The following SLC22A24 variants were observed in gnomAD, a reference collection of about 807,000 sequenced individuals.
SLC22A24 encodes solute carrier family 22 member 24, also known as steroid transmembrane transporter SLC22A24.
Under a neutral mutation model 49.8 loss-of-function variants are expected in SLC22A24, and 53 were observed. That is an observed-to-expected ratio of 1.06 (90% CI 0.85 to 1.34). The LOEUF (loss-of-function observed/expected upper bound fraction) is 1.34, where lower values mean the gene tolerates loss of function less well. Among genes scored for constraint, SLC22A24 ranks in the 40% most tolerant of loss-of-function variants. SLC22A24 has a pLI of 0.00. For missense variants in SLC22A24, 786 were observed against 675.9 expected (o/e 1.16, Z -1.81); for synonymous variants, 302 against 256.4 (o/e 1.18, Z -1.70).
chr11:63,115,659 G>C (rs562968794), intron 4 of SLC22A24, among the ~76,000 whole-genome samples: 3 of 152,198 alleles, frequency 2.0e-5, no homozygotes, highest in Non-Finnish European at 4.4e-5. Context: ...ATCACACTGG[G>C]ATCTGCAGAC....
chr11:63,106,070 A>T (rs1402719028), intron 4 of SLC22A24, among the ~76,000 whole-genome samples: 5 of 140,938 alleles, frequency 3.5e-5, no homozygotes, highest in Non-Finnish European at 7.7e-5. Flanking sequence ...TCCTAAAGCT[A>T]TCCCTCCCCC....
chr11:63,092,955 G>A (rs566796006), intron 6 of SLC22A24, among the ~76,000 whole-genome samples: 1 of 152,002 alleles, frequency 6.6e-6, no homozygotes, highest in African/African-American at 2.4e-5. Flanking sequence ...CTGACAAAAG[G>A]CTAATATCCA....
chr11:63,081,088 C>A lies in SLC22A24; in HGVS notation c.1430G>T (p.Arg477Met). 1 of 1,551,620 alleles carries A rather than the reference C, an allele frequency of 6.4e-7. No homozygotes were observed. The highest frequency in any genetic ancestry group is 8.7e-7 in the Non-Finnish European group (1 of 1,146,918). Reference sequence around the variant, plus strand: ...CAGAGGAGCCAGTGCTGCCCCAGTCCTACCGGACACTGCATTGATTCCTGC... The same window carrying A: ...CAGAGGAGCCAGTGCTGCCCCAGTCATACCGGACACTGCATTGATTCCTGC... The part of the protein sequence containing the change: ...TVAGINAVSG[R>M]TGAALAPLLM... Residue 477 changes from arginine to methionine, a missense_variant, in exon 9 of 10, where the codon AGG becomes ATG. Physicochemically the swap from Arg to Met is moderately conservative, Grantham distance 91. Coordinates refer to ENST00000612278, the MANE Select transcript of SLC22A24 (RefSeq NM_001136506.2).
At chr11:63,093,103 G>A (rs1038543554) in intron 6 of SLC22A24, among the ~76,000 whole-genome samples, 1 of 152,286 alleles carries the variant, frequency 6.6e-6, no homozygotes, top group African/African-American at 2.4e-5. Flanking sequence ...CATCGTCACT[G>A]GTCATTAGAG....
intron 1 of SLC22A24, among the ~76,000 whole-genome samples, chr11:63,142,658 A>T (rs1490553017): frequency 6.6e-6 from 1 of 152,104 alleles, no homozygotes; most frequent in Admixed American, 6.6e-5. Flanking sequence ...TGCTTGAGAT[A>T]TTTTGCAGAT....
intron 2 of SLC22A24, among the ~76,000 whole-genome samples, chr11:63,122,167 A>G (rs767720292): frequency 3.9e-5 from 6 of 152,136 alleles, no homozygotes; most frequent in Non-Finnish European, 7.3e-5. Context: ...GGAAGAAAGC[A>G]TTTCTTGTAA....
intron 2 of SLC22A24, among the ~76,000 whole-genome samples, chr11:63,128,449 A>G (rs1008137103): frequency 6.6e-6 from 1 of 152,046 alleles, no homozygotes; most frequent in Non-Finnish European, 1.5e-5. Context: ...ACTCTGCTCC[A>G]CCACCTCTTG....
At chr11:63,085,848 CAT>C (rs1214445795) in intron 6 of SLC22A24, among the ~76,000 whole-genome samples, 1 of 152,190 alleles carries the variant, frequency 6.6e-6, no homozygotes, top group African/African-American at 2.4e-5. Context: ...TCCCTGCAAA[CAT>C]ATATGAGCAG....
intron 4 of SLC22A24, among the ~76,000 whole-genome samples, chr11:63,114,465 T>G (rs2087197907): frequency 6.6e-6 from 1 of 152,100 alleles, no homozygotes; most frequent in African/African-American, 2.4e-5. Context: ...CTAATCGTTT[T>G]TCAAGGTTTT....
Position 63,143,151 on chromosome 11 carries a change from C to A in SLC22A24, c.402+227G>T, listed in dbSNP as rs528554999. Among the ~76,000 whole-genome samples the A allele has an allele frequency of 2.0e-5, 3 of 152,268 alleles. No homozygotes were observed. In the East Asian group the frequency reaches 5.8e-4, roughly 29 times the overall value. On this transcript the variant is annotated intron_variant, in intron 1 of 9. Transcript: ENST00000612278. ...AGCCTAGTTATAATGATTTAAAATT[C>A]ATGGTCTAATACCACAATTTACTTT...
intron 5 of SLC22A24, among the ~76,000 whole-genome samples, chr11:63,103,279 G>C (rs113532193): frequency 0.039 from 5,917 of 152,090 alleles, 166 homozygotes; most frequent in Non-Finnish European, 0.063. Context: ...AATGCTATTT[G>C]TCTTCCTTTT....
intron 2 of SLC22A24, among the ~76,000 whole-genome samples, chr11:63,125,486 C>T (rs1484364525): frequency 1.3e-5 from 2 of 152,176 alleles, no homozygotes; most frequent in East Asian, 3.9e-4. Flanking sequence ...AGGACATGAA[C>T]TCATCCTTTT....
chr11:63,118,806 G>T, intron 4 of SLC22A24, 106 bp downstream of exon 4: 2 of 1,177,512 alleles, frequency 1.7e-6, no homozygotes, highest in Non-Finnish European at 1.2e-6. Context: ...GGACATCATG[G>T]CTCAGGACTA....
At chr11:63,122,028 C>G (rs1416161828) in intron 2 of SLC22A24, among the ~76,000 whole-genome samples, 3 of 152,022 alleles carry the variant, frequency 2.0e-5, no homozygotes, top group Non-Finnish European at 4.4e-5. Flanking sequence ...AGGCCTTGCC[C>G]AAATTAACGA....
intron 4 of SLC22A24, among the ~76,000 whole-genome samples, chr11:63,115,009 A>G (rs942936139): frequency 2.6e-5 from 4 of 152,208 alleles, no homozygotes; most frequent in African/African-American, 9.6e-5. Context: ...CAGTTAGGCT[A>G]CATAGGGTTC....
At position 63,123,800 on chromosome 11, in the gene SLC22A24, A is replaced by C. The variant is rs78951345; in HGVS notation, c.507-4465T>G. ...ACCTCTAAAACATTTTACAAATCCA[A>C]CTCTATCTTACCATCTCCCTTGATA... On this transcript the variant is annotated intron_variant, in intron 2 of 9. Coordinates refer to ENST00000612278, the MANE Select transcript of SLC22A24 (RefSeq NM_001136506.2). Among the ~76,000 whole-genome samples the C allele has an allele frequency of 9.3e-3, 1,420 of 152,140 alleles. 30 individuals carry two copies. The highest frequency in any genetic ancestry group is 0.033 in the African/African-American group (1,349 of 41,498).
intron 6 of SLC22A24, among the ~76,000 whole-genome samples, chr11:63,090,080 C>CAAAAAAAAAAAAAAAAAAAA (rs60285946): frequency 3.1e-5 from 2 of 64,692 alleles, no homozygotes; most frequent in East Asian, 5.3e-4. Context: ...GACTCTGTCT[C>CAAAAAAAAAAAAAAAAAAAA]AAAAAAAAAA....
intron 2 of SLC22A24, among the ~76,000 whole-genome samples, chr11:63,125,046 A>G (rs1225193968): frequency 1.3e-5 from 2 of 152,112 alleles, no homozygotes; most frequent in Non-Finnish European, 2.9e-5. Context: ...TGGCACATGT[A>G]TACATATGTA....
At chr11:63,094,332 A>T (rs1397034440) in intron 6 of SLC22A24, among the ~76,000 whole-genome samples, 3 of 152,046 alleles carry the variant, frequency 2.0e-5, no homozygotes, top group African/African-American at 7.2e-5. Context: ...ATGGCTGCAT[A>T]GTATTCTATG....
Sources: allele counts gnomAD v4.1 joint callset (sites outside exome capture counted in the v4.1 genomes callset), GRCh38; gene constraint gnomAD v4.1.1; transcripts MANE v1.5; gene names NCBI Gene and HGNC (gene_info 2026-07-23, HGNC 2026-07-21).